OSBPL10: variants seen among roughly 807,000 people sequenced by gnomAD.
The protein encoded by OSBPL10 is oxysterol-binding protein-related protein 10.
OSBPL10 carries 49 observed loss-of-function variants against 81.7 expected under a neutral mutation model. The observed-to-expected ratio is 0.60, with a 90% CI of 0.48 to 0.76. The LOEUF is 0.76. OSBPL10 is among the 30% of genes least tolerant of loss of function. The probability of loss-of-function intolerance (pLI) is 0.00; values close to 1 mark genes in which losing one functional copy is unlikely to be tolerated. For missense variants in OSBPL10, 923 were observed against 987.8 expected (o/e 0.93, Z 0.88); for synonymous variants, 419 against 383.6 (o/e 1.09, Z -1.08).
chr3:31,780,352 G>A (rs1283276936), intron 4 of OSBPL10, among the ~76,000 whole-genome samples: 2 of 152,046 alleles, frequency 1.3e-5, no homozygotes, highest in Non-Finnish European at 2.9e-5. Flanking sequence ...AGCATTAAAT[G>A]CCTACATTGG....
At chr3:31,730,081 G>A (rs546244249) in intron 6 of OSBPL10, among the ~76,000 whole-genome samples, 51 of 152,304 alleles carry the variant, frequency 3.3e-4, no homozygotes, top group Non-Finnish European at 6.3e-4. Flanking sequence ...GGTGGCTCAC[G>A]CCTGTAATCC....
chr3:31,934,432 A>C (rs925282245), intron 1 of OSBPL10, among the ~76,000 whole-genome samples: 30 of 148,138 alleles, frequency 2.0e-4, no homozygotes, highest in African/African-American at 7.3e-4. Context: ...TTTTGGAGAC[A>C]AAGTCTCGCT....
chr3:31,746,845 G>A lies in OSBPL10; in HGVS notation c.940+1065C>T, dbSNP rs547027370. On this transcript the variant is annotated intron_variant, in intron 5 of 11. Transcript: ENST00000396556. ...TTGTGGGGTGGGGGGGAGGGAGGAG[G>A]GATAGCATTAGGAGATATACCTAAG... 2.4e-4 allele frequency among the ~76,000 whole-genome samples: 36 copies of A among 151,658 alleles called. 1 individual carries two copies. The highest frequency in any genetic ancestry group is 4.3e-4 in the Non-Finnish European group (29 of 67,948).
intron 1 of OSBPL10, among the ~76,000 whole-genome samples, chr3:31,956,273 GGGAGGGCAAA>G (rs1192415619): frequency 6.6e-6 from 1 of 152,330 alleles, no homozygotes; most frequent in African/African-American, 2.4e-5. Flanking sequence ...CCACATTAGA[GGGAGGGCAAA>G]GGAGGACAAG....
intron 1 of OSBPL10, among the ~76,000 whole-genome samples, chr3:31,924,266 C>A (rs4561865): frequency 0.54 from 82,127 of 151,066 alleles, 23,129 homozygotes; most frequent in East Asian, 0.74. Context: ...ATATTTGTCT[C>A]TTACGGCATT....
chr3:31,875,454 G>A (rs968474899), intron 3 of OSBPL10, among the ~76,000 whole-genome samples: 3 of 151,562 alleles, frequency 2.0e-5, no homozygotes, highest in African/African-American at 7.3e-5. Context: ...AATGAGGGCT[G>A]TACCTACAGT....
chr3:31,978,134 T>G (rs1292914676), intron 1 of OSBPL10, among the ~76,000 whole-genome samples: 1 of 152,164 alleles, frequency 6.6e-6, no homozygotes, highest in Non-Finnish European at 1.5e-5. Flanking sequence ...AGTGGGTGAT[T>G]GGTATTAAGT....
chr3:31,920,704 G>C, intron 1 of OSBPL10, among the ~76,000 whole-genome samples: 1 of 152,156 alleles, frequency 6.6e-6, no homozygotes, highest in East Asian at 1.9e-4. Context: ...GAGGTGCCTG[G>C]GTCGTGGGAG....
At position 31,977,304 on chromosome 3, in the gene OSBPL10, AC is replaced by A. The variant is rs199831652; in HGVS notation, c.281+3594del. ...ATCCCTTCTCTCCAGTTCTCTGCCAACCCCCAGCCCAGGCCGCCAGCATCTC... is the reference window on the plus strand; with the variant it reads ...ATCCCTTCTCTCCAGTTCTCTGCCAACCCCAGCCCAGGCCGCCAGCATCTC... On this transcript the variant is annotated intron_variant, in intron 1 of 11. Transcript: ENST00000396556. 4.3e-4 allele frequency among the ~76,000 whole-genome samples: 65 copies of A among 152,082 alleles called. No homozygotes were observed. In the East Asian group the frequency reaches 0.012, roughly 29 times the overall value.
At chr3:31,792,155 C>T (rs539675847) in intron 4 of OSBPL10, among the ~76,000 whole-genome samples, 3 of 151,346 alleles carry the variant, frequency 2.0e-5, no homozygotes, top group African/African-American at 7.3e-5. Flanking sequence ...CTCGAGCTCA[C>T]GCAATTGAGG....
rs1699453559 is a variant in OSBPL10 at position 32,030,160 on chromosome 3, T to C, written n.298+16331A>G. On this transcript the variant is annotated intron_variant and non_coding_transcript_variant, in intron 2 of 3. Transcript: ENST00000479173. ...GTGATAAAAATTTTACTGCTTCCTT[T>C]CGGCCAGAACCGCCATCTTCCAGTA... 5 of 220,510 alleles carry C rather than the reference T, an allele frequency of 2.3e-5. No individual in the cohort carries two copies. The South Asian group carries it at 3.7e-4, about 16-fold the overall frequency. 13.7% of individuals were successfully genotyped at this position (220,510 alleles called of 1,614,324 possible).
rs1490914255 is a variant in OSBPL10, at chr3:31,668,713, G to T, written c.2025C>A (p.Ile675=). 2 of 1,613,954 alleles carry T rather than the reference G, an allele frequency of 1.2e-6. No individual in the cohort carries two copies. The highest frequency in any genetic ancestry group is 1.7e-6 in the Non-Finnish European group (2 of 1,180,002). Reference sequence around the variant, plus strand: ...GATACACTGGCAGTGTGGTTGTGTCGATGACTTTGGTTTCTCCATTGTTGT... The same window carrying T: ...GATACACTGGCAGTGTGGTTGTGTCTATGACTTTGGTTTCTCCATTGTTGT... ...FTYNNGETKV[I]DTTTLPVYPK... The change falls in exon 10 of 12, where the codon ATC becomes ATA. Residue 675 remains isoleucine (I), a synonymous_variant. Coordinates refer to ENST00000396556, the MANE Select transcript of OSBPL10 (RefSeq NM_017784.5).
chr3:31,889,810 C>T (rs1196151430), intron 1 of OSBPL10, among the ~76,000 whole-genome samples: 2 of 151,966 alleles, frequency 1.3e-5, no homozygotes, highest in East Asian at 3.9e-4. Flanking sequence ...TGCATGTTCC[C>T]AGCACAAAGA....
At position 31,758,490 on chromosome 3, in the gene OSBPL10, G is replaced by T. The variant is rs1331838486; in HGVS notation, c.730-10370C>A. Reference sequence around the variant, plus strand: ...TTCCCTAAGGGCTAAACAGAAACCAGCCCTTTCAAACAACTCCACCCCCAT... The same window carrying T: ...TTCCCTAAGGGCTAAACAGAAACCATCCCTTTCAAACAACTCCACCCCCAT... On this transcript the variant is annotated intron_variant, in intron 4 of 11. Coordinates refer to ENST00000396556, the MANE Select transcript of OSBPL10 (RefSeq NM_017784.5). 2.0e-5 allele frequency among the ~76,000 whole-genome samples: 3 copies of T among 152,078 alleles called. No homozygotes were observed. In the East Asian group the frequency reaches 5.8e-4, roughly 29 times the overall value.
At position 31,798,076 on chromosome 3, in the gene OSBPL10, C is replaced by T. The variant is rs1699282184; in HGVS notation, c.729+31964G>A. 2.0e-5 allele frequency among the ~76,000 whole-genome samples: 3 copies of T among 152,278 alleles called. No homozygotes were observed. In the South Asian group the frequency reaches 6.2e-4, roughly 32 times the overall value. ...TCCAATATGATAGCCTCCAGCCATACATAGCTACTGGGCACATTTAACATA... is the reference window on the plus strand; with the variant it reads ...TCCAATATGATAGCCTCCAGCCATATATAGCTACTGGGCACATTTAACATA... On this transcript the variant is annotated intron_variant, in intron 4 of 11. Transcript: ENST00000396556.
At position 31,964,893 on chromosome 3, in the gene OSBPL10, A is replaced by G. The variant is rs1234987124; in HGVS notation, c.281+16006T>C. On this transcript the variant is annotated intron_variant, in intron 1 of 11. Transcript: ENST00000396556. Reference sequence around the variant, plus strand: ...TGAATGGCTTATGAGCAGAGGGTGTACTTTCTTTCCAGACCACAGCTCCAA... The same window carrying G: ...TGAATGGCTTATGAGCAGAGGGTGTGCTTTCTTTCCAGACCACAGCTCCAA... 3.3e-5 allele frequency among the ~76,000 whole-genome samples: 5 copies of G among 152,214 alleles called. No individual in the cohort carries two copies. The East Asian group carries it at 9.6e-4, about 29-fold the overall frequency.
intron 6 of OSBPL10, among the ~76,000 whole-genome samples, chr3:31,715,801 T>C (rs900661754): frequency 2.0e-5 from 3 of 152,246 alleles, no homozygotes; most frequent in African/African-American, 7.2e-5. Flanking sequence ...TATTGACTTA[T>C]GCTTTGTGCT....
intron 1 of OSBPL10, among the ~76,000 whole-genome samples, chr3:31,890,308 A>T (rs527797792): frequency 6.6e-6 from 1 of 151,942 alleles, no homozygotes; most frequent in African/African-American, 2.4e-5. Context: ...CTTAGTCAAA[A>T]ACAGCCAAAC....
chr3:31,876,433 C>G lies in OSBPL10; in HGVS notation c.537G>C (p.Lys179Asn), dbSNP rs764784697. 6.2e-7 allele frequency: 1 copy of G among 1,609,224 alleles called. No homozygotes were observed. The highest frequency in any genetic ancestry group is 2.2e-5 in the East Asian group (1 of 44,850). ...CAKYHMEMNS[K>N]SAPSSRSRSL... ...TCCTTCCTTTCTCACGGTGACTTACCTTAGAATTCATTTCCATGTGGTATT... is the reference window on the plus strand; with the variant it reads ...TCCTTCCTTTCTCACGGTGACTTACGTTAGAATTCATTTCCATGTGGTATT... The change falls in exon 3 of 12, where the codon AAG becomes AAC. Residue 179 changes from lysine (K) to asparagine (N), a missense_variant and splice_region_variant. Lys to Asn is a moderately conservative substitution (Grantham distance 94, BLOSUM62 0). Around this residue, in one of 3 missense-constraint regions of OSBPL10, gnomAD observed 514 missense variants for 508.0 expected, o/e 1.01. Transcript: ENST00000396556.
Sources: gnomAD v4.1 joint callset for allele counts (sites outside exome capture counted in the v4.1 genomes callset) on GRCh38, gnomAD v4.1.1 for gene constraint, gnomAD v4.1.1 regional missense constraint, MANE v1.5 for transcripts, NCBI Gene and HGNC (gene_info 2026-07-23, HGNC 2026-07-21) for gene names.